Variants in ZBED6 observed in about 807,000 individuals in gnomAD.
ZBED6 encodes zinc finger BED-type containing 6, also known as zinc finger BED domain-containing protein 6.
Under a neutral mutation model 58.4 loss-of-function variants are expected in ZBED6, and 40 were observed. That is an observed-to-expected ratio of 0.68 (90% CI 0.53 to 0.89). The LOEUF is 0.89. Ranked by LOEUF, ZBED6 falls within the 40% of genes least tolerant of loss-of-function variation. The pLI is 0.00. For synonymous variants in ZBED6, 439 were observed against 350.6 expected (o/e 1.25, Z -2.82); for missense variants, 1,057 against 1,003.9 (o/e 1.05, Z -0.71).
chr1:203,840,759 G>A (rs943047057), intron 11 of ZBED6, among the ~76,000 whole-genome samples: 15 of 151,848 alleles, frequency 9.9e-5, no homozygotes, highest in East Asian at 3.9e-4. Flanking sequence ...TCAGCCTACC[G>A]AGTAGCTAGA....
At chr1:203,840,478 GTTC>G (rs1435662100) in intron 11 of ZBED6, 104 bp downstream of exon 11, 9 of 1,181,124 alleles carry the variant, frequency 7.6e-6, no homozygotes, top group Non-Finnish European at 4.8e-6. Context: ...TTTGATTTTT[GTTC>G]TTTTGTAGTT....
exon 1 of ZBED6, chr1:203,799,931 G>C: frequency 6.5e-7 from 1 of 1,536,096 alleles, no homozygotes; most frequent in Non-Finnish European, 8.7e-7. Flanking sequence ...GTAATTATAT[G>C]GAATCTTCAC....
Position 203,818,573 on chromosome 1 carries a change from G to A in ZBED6, c.*2757G>A, listed in dbSNP as rs771137457. On this transcript the variant is annotated 3_prime_UTR_variant, in exon 3 of 17. Coordinates refer to ENST00000550078, the Ensembl canonical transcript of ZBED6. ...AGTGTTCTCTATTTGTTTACAGGGT[G>A]ACAGCTGCCCATTCCGTCACTGTGA... is the stretch of plus-strand genomic sequence containing the variant. 3.0e-5 allele frequency: 48 copies of A among 1,613,734 alleles called. No individual in the cohort carries two copies. The South Asian group carries it at 3.4e-4, about 11-fold the overall frequency.
chr1:203,839,397 GTT>G (rs1238098541), intron 10 of ZBED6, among the ~76,000 whole-genome samples: 1 of 152,166 alleles, frequency 6.6e-6, no homozygotes, highest in East Asian at 1.9e-4. Context: ...TTAGATTTAT[GTT>G]TTTTCTGCTT....
intron 9 of ZBED6, among the ~76,000 whole-genome samples, chr1:203,834,844 A>G (rs1357253016): frequency 6.6e-6 from 1 of 152,068 alleles, no homozygotes; most frequent in Non-Finnish European, 1.5e-5. Context: ...GGTTTCCACC[A>G]TGTTGGCCAG....
chr1:203,801,297 TA>T (rs1408723560), exon 1 of ZBED6: 2 of 152,182 alleles, frequency 1.3e-5, no homozygotes, highest in Non-Finnish European at 2.9e-5. Flanking sequence ...GTAATCTTTT[TA>T]AAAACATACT....
intron 10 of ZBED6, 147 bp downstream of exon 10, chr1:203,838,211 C>A: frequency 1.3e-6 from 1 of 797,000 alleles, no homozygotes; most frequent in Non-Finnish European, 2.0e-6. Context: ...AACATTTGAT[C>A]CTTAGTCTGC....
intron 1 of ZBED6, among the ~76,000 whole-genome samples, chr1:203,808,924 G>A (rs576869689): frequency 6.6e-6 from 1 of 151,864 alleles, no homozygotes; most frequent in Non-Finnish European, 1.5e-5. Flanking sequence ...TCCACCTCCC[G>A]GGTTCAGGTG....
At chr1:203,830,254 A>G (rs563299897) in intron 7 of ZBED6, 51 bp downstream of exon 7, 2 of 1,417,760 alleles carry the variant, frequency 1.4e-6, no homozygotes, top group African/African-American at 2.9e-5. Context: ...AGGGAAGAAT[A>G]CTAAGGACGC....
At chr1:203,831,577 A>C in intron 7 of ZBED6, 84 bp from the exon 8 acceptor site, 1 of 1,122,040 alleles carries the variant, frequency 8.9e-7, no homozygotes, top group Non-Finnish European at 1.3e-6. Flanking sequence ...ATTGGACTTA[A>C]CTGGTTACAA....
rs1174645598 is a variant in ZBED6 at position 203,847,267 on chromosome 1, T to C, written c.*3825T>C. ...AAGAGCCAGTCAGAAACGTGGAGAA[T>C]TGCAAACTAAACTCAAGACAGAAGG... On this transcript the variant is annotated 3_prime_UTR_variant, in exon 12 of 17. Transcript: ENST00000550078. 6 of 1,613,734 alleles carry C rather than the reference T, an allele frequency of 3.7e-6. No homozygotes were observed. The African/African-American group carries it at 4.0e-5, about 11-fold the overall frequency.
chr1:203,819,245 G>A (rs1297699188), intron 3 of ZBED6, among the ~76,000 whole-genome samples: 6 of 139,346 alleles, frequency 4.3e-5, no homozygotes, highest in Non-Finnish European at 7.6e-5. Flanking sequence ...TTTTTGAAAC[G>A]GAGTCTCACT....
intron 3 of ZBED6, among the ~76,000 whole-genome samples, chr1:203,825,731 G>A (rs943705970): frequency 6.6e-5 from 10 of 151,990 alleles, no homozygotes; most frequent in African/African-American, 2.4e-4. Context: ...GGCATGTGGA[G>A]GATATTACTA....
At chr1:203,796,496 G>A in exon 1 of ZBED6, 1 of 398,966 alleles carries the variant, frequency 2.5e-6, no homozygotes, top group Non-Finnish European at 4.4e-6. Context: ...TCCCATAATC[G>A]GTGCGGATTC....
At chr1:203,830,292 A>T (rs1467563206) in intron 7 of ZBED6, 89 bp downstream of exon 7, 3 of 1,008,848 alleles carry the variant, frequency 3.0e-6, no homozygotes, top group Non-Finnish European at 4.4e-6. Context: ...AAAATGAGCA[A>T]ATAGATTTTC....
intron 2 of ZBED6, among the ~76,000 whole-genome samples, chr1:203,818,064 A>T (rs371606039): frequency 6.6e-6 from 1 of 152,208 alleles, no homozygotes. Context: ...GTTTTAAATG[A>T]TGAGTTTTGA....
At chr1:203,811,491 A>G (rs1674482740) in intron 1 of ZBED6, among the ~76,000 whole-genome samples, 1 of 152,142 alleles carries the variant, frequency 6.6e-6, no homozygotes, top group Non-Finnish European at 1.5e-5. Flanking sequence ...ATTGACCTCT[A>G]AGCCTTTTAT....
At chr1:203,835,503 T>A (rs1055086282) in intron 9 of ZBED6, 2 of 157,874 alleles carry the variant, frequency 1.3e-5, no homozygotes, top group African/African-American at 4.8e-5. Context: ...GTTCTAGATT[T>A]TAAGAGCAGT....
intron 1 of ZBED6, among the ~76,000 whole-genome samples, chr1:203,812,812 C>G (rs1489028427): frequency 6.6e-6 from 1 of 152,050 alleles, no homozygotes; most frequent in Non-Finnish European, 1.5e-5. Flanking sequence ...GAACTCCTGA[C>G]CTCAGATGAC....
Sources: allele counts gnomAD v4.1 joint callset (sites outside exome capture counted in the v4.1 genomes callset), GRCh38; gene constraint gnomAD v4.1.1; transcripts MANE v1.5; gene names NCBI Gene and HGNC (gene_info 2026-07-23, HGNC 2026-07-21).